The following STAMBPL1 variants were observed in gnomAD, a reference collection of about 807,000 sequenced individuals.
STAMBPL1 encodes AMSH-like protease.
Under a neutral mutation model 52.9 loss-of-function variants are expected in STAMBPL1, and 44 were observed. That is an observed-to-expected ratio of 0.83 (90% confidence interval 0.65 to 1.07). STAMBPL1 has a LOEUF of 1.07. Among genes scored for constraint, STAMBPL1 ranks in the 50% least tolerant of loss-of-function variants. The pLI is 0.00. For missense variants in STAMBPL1, 511 were observed against 520.8 expected (o/e 0.98, Z 0.18); for synonymous variants, 164 against 177.3 (o/e 0.92, Z 0.60).
chr10:88,911,351 G>A (rs1845220151), intron 5 of STAMBPL1, among the ~76,000 whole-genome samples: 1 of 152,212 alleles, frequency 6.6e-6, no homozygotes, highest in South Asian at 2.1e-4. Context: ...GTAGGAGGTA[G>A]GGAGAGCAGT....
rs776094090 is a variant in STAMBPL1 at position 88,905,447 on chromosome 10, A to T, written c.35A>T (p.Lys12Met). ...DQPFTVNSLKKLAAMPDHTDV... is the reference protein window; with the variant it reads ...DQPFTVNSLKMLAAMPDHTDV... ...GATTTAAATTTTGCTTTGCAGAAAA[A>T]GTTAGCTGCTATGCCTGACCATACA... The change falls in exon 3 of 11, where the codon AAG (lysine) becomes ATG (methionine). Residue 12 changes from lysine (K) to methionine (M), a missense_variant. Lys to Met is a moderately conservative substitution (Grantham distance 95). Around this residue, in one of 3 missense-constraint regions of STAMBPL1, gnomAD observed 358 missense variants for 343.5 expected, o/e 1.04. Transcript: ENST00000371926. The T allele has an allele frequency of 8.1e-6, 13 of 1,613,730 alleles. No individual in the cohort carries two copies. The highest frequency in any genetic ancestry group is 1.3e-5 in the African/African-American group (1 of 74,918).
chr10:88,880,964 G>T (rs1564616638), intron 1 of STAMBPL1, among the ~76,000 whole-genome samples: 2 of 152,152 alleles, frequency 1.3e-5, no homozygotes, highest in East Asian at 1.9e-4. Context: ...ACGTGGGTGC[G>T]CCTGTTTTTT....
intron 1 of STAMBPL1, among the ~76,000 whole-genome samples, chr10:88,889,250 G>A (rs536493756): frequency 1.3e-5 from 2 of 152,130 alleles, no homozygotes; most frequent in Admixed American, 6.5e-5. Flanking sequence ...TCTATGGGGA[G>A]ATCTTAAAAT....
intron 1 of STAMBPL1, among the ~76,000 whole-genome samples, chr10:88,891,868 A>T (rs547792744): frequency 6.6e-6 from 1 of 152,332 alleles, no homozygotes; most frequent in South Asian, 2.1e-4. Context: ...AAATGAATGA[A>T]TAAATAAATT....
At chr10:88,907,609 T>C (rs1225051032) in intron 3 of STAMBPL1, among the ~76,000 whole-genome samples, 2 of 152,354 alleles carry the variant, frequency 1.3e-5, no homozygotes, top group East Asian at 3.9e-4. Flanking sequence ...TCTTGTATTA[T>C]TAGTTGTATG....
At chr10:88,900,130 A>G (rs1054726800) in intron 1 of STAMBPL1, among the ~76,000 whole-genome samples, 6 of 152,136 alleles carry the variant, frequency 3.9e-5, no homozygotes, top group Non-Finnish European at 8.8e-5. Flanking sequence ...AATGGAGGGG[A>G]AAGACTGGAA....
intron 1 of STAMBPL1, among the ~76,000 whole-genome samples, chr10:88,889,631 A>G (rs2133127273): frequency 6.6e-6 from 1 of 152,276 alleles, no homozygotes; most frequent in Non-Finnish European, 1.5e-5. Context: ...AGAATATTTT[A>G]TTTTAAAATA....
At chr10:88,911,942 G>A (rs1028571941) in intron 5 of STAMBPL1, among the ~76,000 whole-genome samples, 2 of 152,166 alleles carry the variant, frequency 1.3e-5, no homozygotes, top group South Asian at 2.1e-4. Flanking sequence ...TCCTTTCCAC[G>A]GTCAGCAATG....
intron 1 of STAMBPL1, among the ~76,000 whole-genome samples, chr10:88,885,940 A>G (rs1844519359): frequency 6.6e-6 from 1 of 152,206 alleles, no homozygotes; most frequent in Non-Finnish European, 1.5e-5. Context: ...ATCTATAGCT[A>G]GTATTGTGTT....
intron 1 of STAMBPL1, among the ~76,000 whole-genome samples, chr10:88,890,079 C>T (rs890179038): frequency 6.6e-6 from 1 of 152,152 alleles, no homozygotes; most frequent in African/African-American, 2.4e-5. Context: ...CTTAAGCTAA[C>T]ACCAGAAAGA....
intron 4 of STAMBPL1, among the ~76,000 whole-genome samples, chr10:88,909,010 G>C (rs980455291): frequency 6.6e-6 from 1 of 152,180 alleles, no homozygotes; most frequent in African/African-American, 2.4e-5. Context: ...TTACCTAATA[G>C]TGTGAGGAAG....
At chr10:88,911,040 G>T in intron 5 of STAMBPL1, 29 bp downstream of exon 5, 2 of 1,379,860 alleles carry the variant, frequency 1.4e-6, no homozygotes, top group South Asian at 2.8e-5. Context: ...TTTATTTCAT[G>T]ACTATTTTAT....
intron 8 of STAMBPL1, among the ~76,000 whole-genome samples, chr10:88,917,050 C>A (rs765192055): frequency 6.6e-6 from 1 of 152,018 alleles, no homozygotes; most frequent in East Asian, 1.9e-4. Context: ...GTGCCTAAAC[C>A]TGTCAAATCT....
At chr10:88,903,710 G>A (rs1288972333) in intron 2 of STAMBPL1, among the ~76,000 whole-genome samples, 1 of 152,172 alleles carries the variant, frequency 6.6e-6, no homozygotes, top group Non-Finnish European at 1.5e-5. Flanking sequence ...GGGAAAAGTG[G>A]ATGGATTGCT....
intron 5 of STAMBPL1, among the ~76,000 whole-genome samples, chr10:88,911,676 C>G (rs1415276901): frequency 1.3e-5 from 2 of 152,166 alleles, no homozygotes; most frequent in Admixed American, 1.3e-4. Context: ...GGGGTTACCA[C>G]CTTCACTGAC....
At position 88,905,618 on chromosome 10, in the gene STAMBPL1, GA is replaced by G; in HGVS notation, c.209del (p.Asn70IlefsTer13). 1 of 1,614,066 alleles carries G rather than the reference GA, an allele frequency of 6.2e-7. No homozygotes were observed. The highest frequency in any genetic ancestry group is 8.5e-7 in the Non-Finnish European group (1 of 1,179,964). ...ERMASVYLEEGNLENAFVLYN... is the reference protein window; with the variant it reads ...ERMASVYLEEXNLENAFVLYN... ...ATGGCGTCTGTGTATTTGGAAGAAGGAAATTTGGAAAATGCCTTTGTTCTTT... is the reference window on the plus strand; with the variant it reads ...ATGGCGTCTGTGTATTTGGAAGAAGGAATTTGGAAAATGCCTTTGTTCTTT... On this transcript the variant is annotated frameshift_variant, in exon 3 of 11. Coordinates refer to ENST00000371926, the MANE Select transcript of STAMBPL1 (RefSeq NM_020799.4). LOFTEE classifies it high-confidence loss of function.
intron 1 of STAMBPL1, among the ~76,000 whole-genome samples, chr10:88,883,190 C>T (rs914534592): frequency 2.6e-5 from 4 of 152,188 alleles, no homozygotes; most frequent in Non-Finnish European, 5.9e-5. Flanking sequence ...GACATGAACT[C>T]ATCCTTTTTT....
intron 8 of STAMBPL1, among the ~76,000 whole-genome samples, chr10:88,918,282 C>T (rs1845418899): frequency 8.0e-6 from 1 of 124,484 alleles, no homozygotes; most frequent in South Asian, 2.5e-4. Context: ...GAGCAGCATG[C>T]ACACACACAC....
At chr10:88,886,737 C>T (rs939421020) in intron 1 of STAMBPL1, among the ~76,000 whole-genome samples, 1 of 152,212 alleles carries the variant, frequency 6.6e-6, no homozygotes, top group African/African-American at 2.4e-5. Flanking sequence ...TGAACACTGC[C>T]TGCCTGTTTT....
Sources: allele counts gnomAD v4.1 joint callset (sites outside exome capture counted in the v4.1 genomes callset), GRCh38; gene constraint gnomAD v4.1.1; regional missense constraint gnomAD v4.1.1; transcripts MANE v1.5; gene names NCBI Gene and HGNC (gene_info 2026-07-23, HGNC 2026-07-21).